Variants in SIPA1L2 observed in about 807,000 individuals in gnomAD.
SIPA1L2 encodes signal-induced proliferation-associated 1-like protein 2.
SIPA1L2 carries 56 observed loss-of-function variants against 163.9 expected under a neutral mutation model. The observed-to-expected ratio is 0.34, with a 90% CI of 0.28 to 0.43. The LOEUF (loss-of-function observed/expected upper bound fraction) is 0.43. Among genes scored for constraint, SIPA1L2 ranks in the 20% least tolerant of loss-of-function variants. SIPA1L2 has a pLI of 1.00. For synonymous variants in SIPA1L2, 877 were observed against 865.7 expected (o/e 1.01, Z -0.23); for missense variants, 1,974 against 2,193.5 (o/e 0.90, Z 2.00).
At chr1:232,630,260 C>G (rs1024615405), upstream of SIPA1L2, among the ~76,000 whole-genome samples, 1 of 151,764 alleles carries the variant, frequency 6.6e-6, no homozygotes, top group African/African-American at 2.4e-5. Context: ...GCGCGGACGC[C>G]GTCAGTCTCA....
At chr1:232,409,506 CG>C (rs1355446043) in intron 19 of SIPA1L2, among the ~76,000 whole-genome samples, 1 of 152,182 alleles carries the variant, frequency 6.6e-6, no homozygotes, top group African/African-American at 2.4e-5. Context: ...CCTGGAATAC[CG>C]GCCTTGTGAA....
chr1:232,481,060 T>C (rs1366868518), intron 6 of SIPA1L2, among the ~76,000 whole-genome samples: 3 of 152,178 alleles, frequency 2.0e-5, no homozygotes, highest in Non-Finnish European at 4.4e-5. Context: ...TACCAATAAA[T>C]TAATTTACAG....
intron 3 of SIPA1L2, among the ~76,000 whole-genome samples, chr1:232,498,866 G>A (rs1168321146): frequency 6.6e-6 from 1 of 152,184 alleles, no homozygotes; most frequent in East Asian, 1.9e-4. Flanking sequence ...CCATGAGGGA[G>A]TGTACACAAA....
chr1:232,421,540 A>T (rs1056931441), intron 18 of SIPA1L2, among the ~76,000 whole-genome samples: 1 of 152,194 alleles, frequency 6.6e-6, no homozygotes. Context: ...AAAAAGAGAA[A>T]GAAGTATTAC....
chr1:232,411,116 T>C (rs1660930360), intron 19 of SIPA1L2, among the ~76,000 whole-genome samples: 1 of 152,214 alleles, frequency 6.6e-6, no homozygotes, highest in South Asian at 2.1e-4. Flanking sequence ...CTTGCATCTC[T>C]AGATTGCCCT....
chr1:232,595,133 C>T (rs1661186286), intron 1 of SIPA1L2, among the ~76,000 whole-genome samples: 2 of 152,162 alleles, frequency 1.3e-5, no homozygotes, highest in Admixed American at 6.5e-5. Flanking sequence ...TTTCAACTGC[C>T]CCTTCCCTTA....
chr1:232,440,014 A>G (rs1004276293), intron 14 of SIPA1L2, among the ~76,000 whole-genome samples: 3 of 152,174 alleles, frequency 2.0e-5, no homozygotes, highest in Non-Finnish European at 2.9e-5. Context: ...AGCAAATGAG[A>G]TAATATATGC....
chr1:232,582,139 A>C (rs1660411317), intron 1 of SIPA1L2, among the ~76,000 whole-genome samples: 1 of 152,180 alleles, frequency 6.6e-6, no homozygotes, highest in South Asian at 2.1e-4. Flanking sequence ...TGATGATGTC[A>C]TGATTAATTT....
intron 2 of SIPA1L2, among the ~76,000 whole-genome samples, chr1:232,532,788 A>C (rs1657050392): frequency 6.6e-6 from 1 of 151,934 alleles, no homozygotes; most frequent in South Asian, 2.1e-4. Flanking sequence ...ATATAAGCAA[A>C]AGCAAAACAA....
rs146507799 is a variant in SIPA1L2 at position 232,478,881 on chromosome 1, C to T, written c.2085+746G>A. ...ATTCTAAACAAGATGTGAAATGGAGCCTTAGCTATCCCATAGATCGTCTAT... is the reference window on the plus strand; with the variant it reads ...ATTCTAAACAAGATGTGAAATGGAGTCTTAGCTATCCCATAGATCGTCTAT... On this transcript the variant is annotated intron_variant, in intron 7 of 22. Transcript: ENST00000674635. Among the ~76,000 whole-genome samples the T allele has an allele frequency of 1.1e-3, 173 of 152,326 alleles. 1 individual carries two copies. The highest frequency in any genetic ancestry group is 3.7e-3 in the African/African-American group (154 of 41,574).
Position 232,515,256 on chromosome 1 carries a change from C to T in SIPA1L2, c.84G>A (p.Met28Ile). The T allele has an allele frequency of 6.2e-7, 1 of 1,614,080 alleles. No individual in the cohort carries two copies. The highest frequency in any genetic ancestry group is 8.5e-7 in the Non-Finnish European group (1 of 1,179,970). ...TCCGAGCAAAATAATCATCTGACTG[C>T]ATGATTCTAGGGGGATCCTTGAACT... is the stretch of plus-strand genomic sequence containing the variant. ...SSKFKDPPRI[M>I]QSDDYFARKF... Residue 28 changes from methionine to isoleucine, a missense_variant, in exon 3 of 23, where the codon ATG becomes ATA. By Grantham distance (10) the Met-to-Ile change is conservative (BLOSUM62 1). Around this residue, in one of 3 missense-constraint regions of SIPA1L2, gnomAD observed 607 missense variants for 624.0 expected, o/e 0.97. Coordinates refer to ENST00000674635, the MANE Select transcript of SIPA1L2 (RefSeq NM_020808.5).
At chr1:232,518,146 G>A (rs1389808320) in intron 2 of SIPA1L2, among the ~76,000 whole-genome samples, 1 of 152,204 alleles carries the variant, frequency 6.6e-6, no homozygotes, top group East Asian at 1.9e-4. Flanking sequence ...GAAAACTATA[G>A]CAAACTCAGA....
intron 1 of SIPA1L2, among the ~76,000 whole-genome samples, chr1:232,603,138 G>A (rs1207459086): frequency 1.3e-5 from 2 of 152,190 alleles, no homozygotes; most frequent in African/African-American, 2.4e-5. Context: ...CTAACTGGGC[G>A]TCCTATGTTG....
intron 2 of SIPA1L2, among the ~76,000 whole-genome samples, chr1:232,565,635 A>G (rs1433149395): frequency 6.6e-6 from 1 of 152,238 alleles, no homozygotes; most frequent in African/African-American, 2.4e-5. Context: ...ATTAAATCTG[A>G]ACTTAGAATG....
chr1:232,496,471 G>C lies in SIPA1L2; in HGVS notation c.1484-2811C>G, dbSNP rs79187583. On this transcript the variant is annotated intron_variant, in intron 3 of 22. Coordinates refer to ENST00000674635, the MANE Select transcript of SIPA1L2 (RefSeq NM_020808.5). ...TGTATTGTGTACTGATAATGGCTAAGGTAACTATTACAAACATAAAAAGCT... is the reference window on the plus strand; with the variant it reads ...TGTATTGTGTACTGATAATGGCTAACGTAACTATTACAAACATAAAAAGCT... Among the ~76,000 whole-genome samples the C allele has an allele frequency of 6.6e-5, 10 of 151,084 alleles. No individual in the cohort carries two copies. In the East Asian group the frequency reaches 2.0e-3, roughly 30 times the overall value.
intron 10 of SIPA1L2, among the ~76,000 whole-genome samples, chr1:232,446,978 G>C (rs891529128): frequency 1.3e-5 from 2 of 152,156 alleles, no homozygotes; most frequent in Non-Finnish European, 2.9e-5. Flanking sequence ...TAAGTGTTTA[G>C]AATAACTTGG....
intron 1 of SIPA1L2, among the ~76,000 whole-genome samples, chr1:232,615,965 G>A (rs1465511570): frequency 1.3e-5 from 2 of 152,178 alleles, no homozygotes; most frequent in Admixed American, 6.5e-5. Context: ...CCAGCTATAC[G>A]ATAGGCAGCT....
At position 232,528,103 on chromosome 1, in the gene SIPA1L2, A is replaced by ATCG. The variant is rs1667808030; in HGVS notation, c.-269-12496_-269-12495insCGA. Among the ~76,000 whole-genome samples, 8 of 51,744 alleles carry ATCG rather than the reference A, an allele frequency of 1.5e-4. 1 individual carries two copies. The highest frequency in any genetic ancestry group is 6.2e-4 in the African/African-American group (8 of 12,806). 33.9% of individuals were successfully genotyped at this position (51,744 alleles called of 152,430 possible). ...TTATATATATATATATATATATATA[A>ATCG]TCAACTTTCTAAAAACCACAGGTAG... On this transcript the variant is annotated intron_variant, in intron 2 of 22. Transcript: ENST00000674635.
At position 232,513,914 on chromosome 1, in the gene SIPA1L2, T is replaced by C. The variant is rs199698926; in HGVS notation, c.1426A>G (p.Ile476Val). The C allele has an allele frequency of 5.6e-4, 905 of 1,613,296 alleles. 2 individuals carry two copies. Among genetic ancestry groups the C allele is most frequent in the Non-Finnish European group, 3.3e-4 (387 of 1,179,632 alleles). Residue 476 changes from isoleucine to valine, a missense_variant, in exon 3 of 23, where the codon ATC becomes GTC. Physicochemically the swap from Ile to Val is conservative, Grantham distance 29 (BLOSUM62 3). Transcript: ENST00000674635. ...GCCCCAAGGTCAATGTGTTCTATGA[T>C]GTAGCGCTTCACTTTCTCCCTGTGA... is the stretch of plus-strand genomic sequence containing the variant. ...PIHREKVKRY[I>V]IEHIDLGAYY...
Sources: gnomAD v4.1 joint callset for allele counts (sites outside exome capture counted in the v4.1 genomes callset) on GRCh38, gnomAD v4.1.1 for gene constraint, gnomAD v4.1.1 regional missense constraint, MANE v1.5 for transcripts, NCBI Gene and HGNC (gene_info 2026-07-23, HGNC 2026-07-21) for gene names.